Variants in KRT10 observed in about 807,000 individuals in gnomAD.
KRT10 encodes the protein keratin, type I cytoskeletal 10.
Under a neutral mutation model 59.2 loss-of-function variants are expected in KRT10, and 40 were observed. The ratio of observed to expected loss-of-function variants is 0.68; its 90% CI spans 0.52 to 0.88. The LOEUF (loss-of-function observed/expected upper bound fraction) is 0.88. Ranked by LOEUF, KRT10 falls within the 40% of genes least tolerant of loss-of-function variation. KRT10 has a pLI of 0.00. For synonymous variants in KRT10, 336 were observed against 310.7 expected (o/e 1.08, Z -0.86); for missense variants, 719 against 749.1 (o/e 0.96, Z 0.47).
Position 40,822,558 on chromosome 17 carries a change from G to T in KRT10, c.28C>A (p.His10Asn). MSVRYSSSK[H>N]YSSSRSGGGG... ...CCTCCACTGCGGGAGGAAGAGTAGT[G>T]CTTGCTTGAGCTGTATCGAACAGAC... Residue 10 changes from histidine (H) to asparagine (N), a missense_variant, in exon 1 of 8, where the codon CAC becomes AAC. His to Asn is a moderately conservative substitution (Grantham distance 68, BLOSUM62 1). Around this residue, in one of 4 missense-constraint regions of KRT10, gnomAD observed 176 missense variants for 175.7 expected, o/e 1.00. Coordinates refer to ENST00000269576, the MANE Select transcript of KRT10 (RefSeq NM_000421.5). The T allele has an allele frequency of 6.2e-7, 1 of 1,603,816 alleles. No homozygotes were observed. The highest frequency in any genetic ancestry group is 1.7e-5 in the Admixed American group (1 of 60,012).
Position 40,819,021 on chromosome 17 carries a change from C to T in KRT10, c.1514G>A (p.Gly505Asp). 1 of 1,373,008 alleles carries T rather than the reference C, an allele frequency of 7.3e-7. No homozygotes were observed. Among genetic ancestry groups the T allele is most frequent in the Non-Finnish European group, 9.5e-7 (1 of 1,054,052 alleles). The allele number at this position is 1,373,008 out of a possible 1,614,324, so 85.1% of individuals were successfully genotyped here. A position where few individuals can be genotyped will look rare whatever the true frequency, so the allele number is the denominator to read the frequency against. Residue 505 changes from glycine (G) to aspartate (D), a missense_variant, in exon 7 of 8, where the codon GGC (glycine) becomes GAC (aspartate). Gly to Asp is a moderately conservative substitution (Grantham distance 94, BLOSUM62 -1). Transcript: ENST00000269576. ...SGGGYGGGSSGGGSSGGGYGG... is the reference protein window; with the variant it reads ...SGGGYGGGSSDGGSSGGGYGG... ...GTAGCCGCCGCCGGAGCTTCCGCCG[C>T]CGGAGCTTCCGCCTCCGTAGCCGCC...
intron 7 of KRT10, 118 bp downstream of exon 7, chr17:40,818,668 CA>C (rs1905159431): frequency 2.0e-6 from 3 of 1,512,542 alleles, no homozygotes; most frequent in Admixed American, 3.8e-5. Flanking sequence ...TGAACAAATG[CA>C]AACGGAACCG....
Position 40,822,530 on chromosome 17 carries a change from C to T in KRT10, c.56G>A (p.Gly19Glu), listed in dbSNP as rs1439707359. The T allele has an allele frequency of 7.5e-6, 12 of 1,609,508 alleles. No individual in the cohort carries two copies. Among genetic ancestry groups the T allele is most frequent in the East Asian group, 2.2e-5 (1 of 44,878 alleles). ...TCCTCCACATCCTCCTCCTCCTCCTCCTCCTCCACTGCGGGAGGAAGAGTA... is the reference window on the plus strand; with the variant it reads ...TCCTCCACATCCTCCTCCTCCTCCTTCTCCTCCACTGCGGGAGGAAGAGTA... ...KHYSSSRSGG[G>E]GGGGGCGGGG... Residue 19 changes from glycine to glutamate, a missense_variant, in exon 1 of 8, where the codon GGA (glycine) becomes GAA (glutamate). Physicochemically the swap from Gly to Glu is moderately conservative, Grantham distance 98 (BLOSUM62 -2). Around this residue, in one of 4 missense-constraint regions of KRT10, gnomAD observed 176 missense variants for 175.7 expected, o/e 1.00. Transcript: ENST00000269576.
At chr17:40,820,483 G>T (rs1456765543) in intron 3 of KRT10, 28 bp downstream of exon 3, 3 of 1,614,132 alleles carry the variant, frequency 1.9e-6, no homozygotes, top group East Asian at 2.2e-5. Context: ...CTCTCTTTTG[G>T]CTGGGAAAAG....
intron 1 of KRT10, 48 bp from the exon 2 acceptor site, chr17:40,821,165 G>A: frequency 7.4e-7 from 1 of 1,356,870 alleles, no homozygotes; most frequent in Non-Finnish European, 1.1e-6. Context: ...ATGCAGATAT[G>A]GCTTTTGTAG....
rs1203141511 is a variant in KRT10, at chr17:40,818,282, C to T, written c.*194G>A. 1 of 683,162 alleles carries T rather than the reference C, an allele frequency of 1.5e-6. No homozygotes were observed. Among genetic ancestry groups the T allele is most frequent in the African/African-American group, 1.8e-5 (1 of 55,184 alleles). The allele number at this position is 683,162 out of a possible 1,614,324, so 42.3% of individuals were successfully genotyped here. On this transcript the variant is annotated 3_prime_UTR_variant, in exon 8 of 8. Transcript: ENST00000269576. ...ATTTTCAAGGTCTATTTCCATAGAC[C>T]ATCAAGACAGAAGTGTTTTCTTGGA...
chr17:40,821,103 T>C lies in KRT10; in HGVS notation c.642A>G (p.Thr214=). ...GAAGCAGGATGTTGGCATTATCAGT[T>C]GTTAGGTTGAGAATCTGGAGGGAGA... ...DDLKNQILNL[T]TDNANILLQI... is the part of the protein sequence containing the mutation. Residue 214 remains threonine, a synonymous_variant, in exon 2 of 8, where the codon ACA becomes ACG. Coordinates refer to ENST00000269576, the MANE Select transcript of KRT10 (RefSeq NM_000421.5). 6.2e-7 allele frequency: 1 copy of C among 1,613,772 alleles called. No individual in the cohort carries two copies.
chr17:40,819,055 T>TTCC lies in KRT10; in HGVS notation c.1479_1480insGGA (p.Gly493dup), dbSNP rs1905209822. 10 of 1,373,498 alleles carry TTCC rather than the reference T, an allele frequency of 7.3e-6. No homozygotes were observed. Among genetic ancestry groups the TTCC allele is most frequent in the South Asian group, 1.5e-5 (1 of 67,886 alleles). 85.1% of individuals were successfully genotyped at this position (1,373,498 alleles called of 1,614,324 possible). On this transcript the variant is annotated inframe_insertion, in exon 7 of 8. Transcript: ENST00000269576. ...CCGCCTCCGTAGCCGCCGCCGGAACTGCCGCCGTGGCCGCCGCCGTGGCCG... is the reference window on the plus strand; with the variant it reads ...CCGCCTCCGTAGCCGCCGCCGGAACTTCCGCCGCCGTGGCCGCCGCCGTGGCCG...
At chr17:40,820,744 C>G (rs1905335604) in intron 2 of KRT10, 77 bp from the exon 3 acceptor site, 1 of 1,503,744 alleles carries the variant, frequency 6.7e-7, no homozygotes, top group Admixed American at 1.7e-5. Context: ...ATTTAAAAAG[C>G]AGCTACATAG....
rs1025171696 is a variant in KRT10 at position 40,818,930 on chromosome 17, G to A, written c.1605C>T (p.Ser535=). The A allele has an allele frequency of 1.1e-5, 16 of 1,412,760 alleles. No individual in the cohort carries two copies. The highest frequency in any genetic ancestry group is 1.0e-4 in the Admixed American group (4 of 39,386). The allele number at this position is 1,412,760 out of a possible 1,614,324, so 87.5% of individuals were successfully genotyped here. The change falls in exon 7 of 8, where the codon TCC becomes TCT. Residue 535 remains serine (S), a synonymous_variant. Coordinates refer to ENST00000269576, the MANE Select transcript of KRT10 (RefSeq NM_000421.5). ...SSSGGYGGGS[S]GGGGGGYGGG... ...CCCCGTAGCCGCCGCCGCCGCCGCCGGAACTGCCACCACCGTAGCCGCCGC... is the reference window on the plus strand; with the variant it reads ...CCCCGTAGCCGCCGCCGCCGCCGCCAGAACTGCCACCACCGTAGCCGCCGC...
At chr17:40,819,921 A>G in intron 5 of KRT10, 128 bp downstream of exon 5, 1 of 1,269,054 alleles carries the variant, frequency 7.9e-7, no homozygotes, top group Non-Finnish European at 1.1e-6. Flanking sequence ...TCCTCCATTA[A>G]CATGAGCTTC....
intron 6 of KRT10, 160 bp downstream of exon 6, chr17:40,819,357 A>G: frequency 7.4e-7 from 1 of 1,344,870 alleles, no homozygotes; most frequent in Non-Finnish European, 1.0e-6. Context: ...GGCCAAATTC[A>G]TGAGAAAGTG....
rs546321678 is a variant in KRT10 at position 40,822,240 on chromosome 17, T to C, written c.346A>G (p.Ser116Gly). 5.6e-6 allele frequency: 9 copies of C among 1,609,824 alleles called. No individual in the cohort carries two copies. The highest frequency in any genetic ancestry group is 4.5e-5 in the East Asian group (2 of 44,832). Residue 116 changes from serine to glycine, a missense_variant, in exon 1 of 8, where the codon AGC becomes GGC. By Grantham distance (56) the Ser-to-Gly change is moderately conservative. Around this residue, in one of 4 missense-constraint regions of KRT10, gnomAD observed 176 missense variants for 175.7 expected, o/e 1.00. Transcript: ENST00000269576. ...CCACCAAAGCCGCCTCCACCAAAGC[T>C]GCCCCCACCAAAGCTGCCACCTCCG... ...SFGGGSFGGG[S>G]FGGGGFGGGG...
In KRT10 at chr17:40,818,972, G is replaced by C; in HGVS notation, c.1563C>G (p.Gly521=). Residue 521 remains glycine (G), a synonymous_variant, in exon 7 of 8, where the codon GGC becomes GGG. Transcript: ENST00000269576. The part of the protein sequence containing the change: ...GGYGGGSSSG[G]HGGSSSGGYG... ...AGCCGCCGCTGGAACTGCCGCCGTG[G>C]CCGCCGCTGGAGCTTCCGCCCCCGT... is the stretch of plus-strand genomic sequence containing the variant. 1 of 1,379,116 alleles carries C rather than the reference G, an allele frequency of 7.3e-7. No homozygotes were observed. The highest frequency in any genetic ancestry group is 9.4e-7 in the Non-Finnish European group (1 of 1,067,252). The allele number at this position is 1,379,116 out of a possible 1,614,324, so 85.4% of individuals were successfully genotyped here.
At chr17:40,821,010 A>G (rs774624250) in intron 2 of KRT10, 25 bp downstream of exon 2, 1 of 1,526,790 alleles carries the variant, frequency 6.5e-7, no homozygotes. Context: ...TTGTGATAGT[A>G]TTATACAACG....
chr17:40,820,583 G>A lies in KRT10; in HGVS notation c.795C>T (p.Thr265=). Residue 265 remains threonine, a synonymous_variant, in exon 3 of 8, where the codon ACC becomes ACT. Transcript: ENST00000269576. The part of the protein sequence containing the change: ...LRRVLDELTL[T]KADLEMQIES... ...CAATTTGCATCTCCAGGTCAGCCTT[G>A]GTCAGGGTCAGCTCATCCAGCACCC... The A allele has an allele frequency of 6.2e-7, 1 of 1,614,200 alleles. No homozygotes were observed. The highest frequency in any genetic ancestry group is 8.5e-7 in the Non-Finnish European group (1 of 1,180,040).
At chr17:40,819,389 T>A (rs541227747) in intron 6 of KRT10, 128 bp downstream of exon 6, 1 of 1,274,784 alleles carries the variant, frequency 7.8e-7, no homozygotes, top group Admixed American at 1.9e-5. Flanking sequence ...GCGTACTCCT[T>A]TTTCTGTACT....
chr17:40,822,281 A>C lies in KRT10; in HGVS notation c.305T>G (p.Phe102Cys), dbSNP rs114467326. The change falls in exon 1 of 8, where the codon TTT becomes TGT. Residue 102 changes from phenylalanine (F) to cysteine (C), a missense_variant. By Grantham distance (205) the Phe-to-Cys change is radical. Around this residue, in one of 4 missense-constraint regions of KRT10, gnomAD observed 176 missense variants for 175.7 expected, o/e 1.00. Coordinates refer to ENST00000269576, the MANE Select transcript of KRT10 (RefSeq NM_000421.5). ...GCCACCTCCGAAACTGCCCCCTCCA[A>C]AGATGCCTCCATAACTCCCACCAAA... ...SSFGGSYGGI[F>C]GGGSFGGGSF... is the part of the protein sequence containing the mutation. The C allele has an allele frequency of 6.3e-7, 1 of 1,594,930 alleles. No homozygotes were observed. Among genetic ancestry groups the C allele is most frequent in the African/African-American group, 1.4e-5 (1 of 72,660 alleles).
At chr17:40,818,602 T>G in intron 7 of KRT10, 120 bp from the exon 8 acceptor site, 1 of 1,267,864 alleles carries the variant, frequency 7.9e-7, no homozygotes, top group Non-Finnish European at 1.1e-6. Context: ...AAAAAATGCT[T>G]AAGGTATGAC....
Sources: allele counts gnomAD v4.1 joint callset, GRCh38; gene constraint gnomAD v4.1.1; regional missense constraint gnomAD v4.1.1; transcripts MANE v1.5; gene names NCBI Gene and HGNC (gene_info 2026-07-23, HGNC 2026-07-21).